Variants in ANKRD42 observed in about 807,000 individuals in gnomAD.
ANKRD42 encodes ankyrin repeat domain 42.
In ANKRD42, 43 loss-of-function variants were observed where a neutral mutation model predicts 51.5. The ratio of observed to expected loss-of-function variants is 0.83; its 90% CI spans 0.65 to 1.08. ANKRD42 has a LOEUF of 1.08. Ranked by LOEUF, ANKRD42 falls within the 50% of genes least tolerant of loss-of-function variation. ANKRD42 has a pLI of 0.00. For missense variants in ANKRD42, 608 were observed against 629.3 expected (o/e 0.97, Z 0.36); for synonymous variants, 203 against 213.0 (o/e 0.95, Z 0.41).
rs757066782 is a variant in ANKRD42, at chr11:83,224,842, T to G, written c.587-13T>G. 6.5e-7 allele frequency: 1 copy of G among 1,542,190 alleles called. No homozygotes were observed. Among genetic ancestry groups the G allele is most frequent in the Non-Finnish European group, 8.7e-7 (1 of 1,148,874 alleles). On this transcript the variant is annotated splice_polypyrimidine_tract_variant and intron_variant, in intron 5 of 10. Coordinates refer to ENST00000533342, the MANE Select transcript of ANKRD42 (RefSeq NM_001300975.2). ...AAATAAAAATTAAATTAATTTTTTT[T>G]CCTTTCCTCTAGTTCACTTAGCAGC...
chr11:83,246,495 T>C (rs1229103061), intron 10 of ANKRD42, among the ~76,000 whole-genome samples: 1 of 152,232 alleles, frequency 6.6e-6, no homozygotes, highest in African/African-American at 2.4e-5. Flanking sequence ...CTCGAGCTTC[T>C]TTCATCCTAC....
At chr11:83,262,823 TAAGA>T (rs1421116559), downstream of ANKRD42, among the ~76,000 whole-genome samples, 1 of 152,212 alleles carries the variant, frequency 6.6e-6, no homozygotes, top group Non-Finnish European at 1.5e-5. Context: ...TAGGCATCTC[TAAGA>T]AATATAGAGA....
chr11:83,205,990 C>A (rs1400073591), intron 2 of ANKRD42, 68 bp from the exon 3 acceptor site: 3 of 1,376,230 alleles, frequency 2.2e-6, no homozygotes, highest in South Asian at 1.2e-5. Context: ...TGATAACAGA[C>A]CAAATTTAAA....
intron 7 of ANKRD42, among the ~76,000 whole-genome samples, chr11:83,230,728 A>C (rs896675520): frequency 5.9e-5 from 9 of 152,110 alleles, no homozygotes; most frequent in African/African-American, 2.2e-4. Flanking sequence ...CTGGGACTAC[A>C]GGTGTGTGCC....
chr11:83,242,241 G>A (rs1863407099), intron 9 of ANKRD42, among the ~76,000 whole-genome samples: 3 of 152,200 alleles, frequency 2.0e-5, no homozygotes, highest in Non-Finnish European at 4.4e-5. Context: ...GGAAGATAGA[G>A]TGAAAGCCAA....
chr11:83,199,389 A>G (rs1466384453), intron 2 of ANKRD42, among the ~76,000 whole-genome samples: 2 of 152,074 alleles, frequency 1.3e-5, no homozygotes, highest in African/African-American at 4.8e-5. Flanking sequence ...CATTATGTAT[A>G]TTATTCTTTA....
At chr11:83,212,754 C>G in intron 5 of ANKRD42, 1 of 1,534,492 alleles carries the variant, frequency 6.5e-7, no homozygotes, top group Admixed American at 2.0e-5. Context: ...CTTTCTATAT[C>G]TTTACACTAC....
At chr11:83,205,321 A>T (rs1420400332) in intron 2 of ANKRD42, among the ~76,000 whole-genome samples, 2 of 152,160 alleles carry the variant, frequency 1.3e-5, no homozygotes, top group Admixed American at 6.5e-5. Context: ...TTAATATTTT[A>T]TTGTCATTAG....
At chr11:83,218,264 A>G (rs1180218267) in intron 5 of ANKRD42, among the ~76,000 whole-genome samples, 1 of 152,142 alleles carries the variant, frequency 6.6e-6, no homozygotes, top group African/African-American at 2.4e-5. Context: ...CTGTGGCTCT[A>G]ATCTCCATGA....
intron 9 of ANKRD42, 47 bp downstream of exon 9, chr11:83,240,981 A>T (rs778655135): frequency 1.3e-6 from 2 of 1,556,948 alleles, no homozygotes; most frequent in Non-Finnish European, 1.7e-6. Flanking sequence ...GAAATACCAC[A>T]GCCACTTTTT....
exon 12 of ANKRD42, chr11:83,255,874 AGAG>A (rs756975537): frequency 6.5e-7 from 1 of 1,534,246 alleles, no homozygotes; most frequent in African/African-American, 1.4e-5. Context: ...AGTCAAACAA[AGAG>A]AAGAGGCGAG....
At chr11:83,245,758 C>T in intron 10 of ANKRD42, 134 bp downstream of exon 10, 1 of 992,082 alleles carries the variant, frequency 1.0e-6, no homozygotes. Flanking sequence ...CTCCTAAGCC[C>T]TTAGATGACA....
intron 9 of ANKRD42, among the ~76,000 whole-genome samples, chr11:83,242,253 C>A (rs925182588): frequency 6.6e-6 from 1 of 152,076 alleles, no homozygotes; most frequent in Non-Finnish European, 1.5e-5. Flanking sequence ...GAAAGCCAAG[C>A]CAAGATCTTG....
At chr11:83,204,414 T>C (rs1397361025) in intron 2 of ANKRD42, among the ~76,000 whole-genome samples, 4 of 152,206 alleles carry the variant, frequency 2.6e-5, no homozygotes, top group African/African-American at 7.2e-5. Context: ...TTCACTTATA[T>C]GTGGGACCTA....
Position 83,248,640 on chromosome 11 carries a change from T to A in ANKRD42, c.*436T>A. The A allele has an allele frequency of 1.0e-6, 1 of 985,514 alleles. No individual in the cohort carries two copies. The highest frequency in any genetic ancestry group is 1.2e-6 in the Non-Finnish European group (1 of 829,928). The allele number at this position is 985,514 out of a possible 1,614,324, so 61.0% of individuals were successfully genotyped here. On this transcript the variant is annotated 3_prime_UTR_variant, in exon 11 of 11. Transcript: ENST00000533342. ...TGTCACCTCAAATCTGATCTATTAA[T>A]ATTATAGAATCTTCCTGGCTTCTTT...
chr11:83,239,411 T>G (rs948142828), intron 8 of ANKRD42, among the ~76,000 whole-genome samples: 1 of 152,196 alleles, frequency 6.6e-6, no homozygotes, highest in African/African-American at 2.4e-5. Context: ...GAGCAAAATT[T>G]CTTACTAATT....
At chr11:83,203,025 C>T (rs1449828991) in intron 2 of ANKRD42, among the ~76,000 whole-genome samples, 4 of 140,732 alleles carry the variant, frequency 2.8e-5, no homozygotes, top group African/African-American at 8.0e-5. Context: ...GGGTATCGCT[C>T]TTGTTTCCCA....
chr11:83,238,656 C>T (rs553066193), intron 8 of ANKRD42, among the ~76,000 whole-genome samples: 1 of 152,012 alleles, frequency 6.6e-6, no homozygotes, highest in African/African-American at 2.4e-5. Context: ...CATGGAGAAA[C>T]CCTGTGTCTA....
At chr11:83,227,607 G>T in intron 6 of ANKRD42, 140 bp from the exon 7 acceptor site, 4 of 722,730 alleles carry the variant, frequency 5.5e-6, no homozygotes, top group Non-Finnish European at 8.8e-6. Context: ...TCTTTTTACT[G>T]GTAGTCATCA....
Sources: allele counts gnomAD v4.1 joint callset (sites outside exome capture counted in the v4.1 genomes callset), GRCh38; gene constraint gnomAD v4.1.1; transcripts MANE v1.5; gene names NCBI Gene and HGNC (gene_info 2026-07-23, HGNC 2026-07-21).